Variants in KCNK2 observed in about 807,000 individuals in gnomAD.
KCNK2 encodes potassium two pore domain channel subfamily K member 2.
A neutral mutation model predicts 40.5 loss-of-function variants in KCNK2; 21 were observed. That is an observed-to-expected ratio of 0.52 (90% CI 0.37 to 0.75). KCNK2 has a LOEUF of 0.75. KCNK2 is among the 30% of genes least tolerant of loss of function. KCNK2 has a pLI of 0.00. For synonymous variants in KCNK2, 191 were observed against 202.2 expected (o/e 0.94, Z 0.47); for missense variants, 399 against 531.6 (o/e 0.75, Z 2.45).
chr1:215,184,737 C>A (rs1250317657), intron 5 of KCNK2, among the ~76,000 whole-genome samples: 1 of 152,046 alleles, frequency 6.6e-6, no homozygotes, highest in Non-Finnish European at 1.5e-5. Flanking sequence ...CCATAGGGTC[C>A]CTTTCATGAC....
chr1:215,081,481 ATT>A (rs34777165), upstream of KCNK2, among the ~76,000 whole-genome samples: 1 of 151,268 alleles, frequency 6.6e-6, no homozygotes, highest in African/African-American at 2.4e-5. Flanking sequence ...TATTAGGAAG[ATT>A]TTTTTTTAAT....
rs139066775 is a variant in KCNK2, at chr1:215,182,747, A to T, written c.823+10564A>T. ...TGTGCGGGCACACTACTGGGTCACC[A>T]CATAATTGTTGACTTTATGTTTGTC... is the stretch of plus-strand genomic sequence containing the variant. On this transcript the variant is annotated intron_variant, in intron 5 of 6. Coordinates refer to ENST00000444842, the MANE Select transcript of KCNK2 (RefSeq NM_001017425.3). Among the ~76,000 whole-genome samples the T allele has an allele frequency of 3.7e-4, 56 of 152,276 alleles. No individual in the cohort carries two copies. In the East Asian group the frequency reaches 9.9e-3, roughly 27 times the overall value.
At chr1:215,125,163 T>A (rs1396162934) in intron 3 of KCNK2, among the ~76,000 whole-genome samples, 1 of 152,208 alleles carries the variant, frequency 6.6e-6, no homozygotes, top group Non-Finnish European at 1.5e-5. Context: ...ATTTTAACTC[T>A]ACATTTTAAC....
At chr1:215,233,686 C>T (rs1553276847) in intron 6 of KCNK2, among the ~76,000 whole-genome samples, 2 of 152,066 alleles carry the variant, frequency 1.3e-5, no homozygotes, top group South Asian at 2.1e-4. Context: ...GTGAAGCAAA[C>T]GAGAGCCTGG....
intron 3 of KCNK2, among the ~76,000 whole-genome samples, chr1:215,142,041 T>C (rs1265728649): frequency 6.6e-6 from 1 of 152,114 alleles, no homozygotes; most frequent in East Asian, 1.9e-4. Context: ...GGAAATCTTT[T>C]ATATTCTGTG....
At chr1:215,025,897 T>A (rs1455386850) in intron 1 of KCNK2, among the ~76,000 whole-genome samples, 1 of 152,092 alleles carries the variant, frequency 6.6e-6, no homozygotes, top group Non-Finnish European at 1.5e-5. Context: ...GTCAAAAGGT[T>A]TATGTATTTT....
chr1:215,131,370 A>G (rs1202101939), intron 3 of KCNK2, among the ~76,000 whole-genome samples: 2 of 147,064 alleles, frequency 1.4e-5, no homozygotes, highest in Non-Finnish European at 3.0e-5. Flanking sequence ...TATATTACAT[A>G]TTAATTTTAT....
upstream of KCNK2, among the ~76,000 whole-genome samples, chr1:215,079,137 A>G (rs1439921563): frequency 6.6e-6 from 1 of 152,246 alleles, no homozygotes; most frequent in African/African-American, 2.4e-5. Flanking sequence ...TTGCTTATTC[A>G]TTAAATTAAA....
chr1:215,044,503 A>G (rs1177612663), intron 1 of KCNK2, among the ~76,000 whole-genome samples: 1 of 152,090 alleles, frequency 6.6e-6, no homozygotes, highest in Non-Finnish European at 1.5e-5. Context: ...ATTTTCTCCT[A>G]TCAAATGGGA....
chr1:215,191,514 A>G (rs929389928), intron 5 of KCNK2, among the ~76,000 whole-genome samples: 6 of 152,108 alleles, frequency 3.9e-5, no homozygotes, highest in African/African-American at 1.4e-4. Flanking sequence ...TTAATCTACT[A>G]GATTGGATTA....
chr1:215,185,233 A>G (rs180975291), intron 5 of KCNK2, among the ~76,000 whole-genome samples: 1 of 152,334 alleles, frequency 6.6e-6, no homozygotes, highest in East Asian at 1.9e-4. Context: ...ACAGATGCTG[A>G]GTAAGATAAA....
At chr1:215,111,191 T>C (rs1660668871) in intron 2 of KCNK2, among the ~76,000 whole-genome samples, 1 of 152,132 alleles carries the variant, frequency 6.6e-6, no homozygotes, top group African/African-American at 2.4e-5. Context: ...TCGTGTCTTC[T>C]TTTCTGATTT....
intron 2 of KCNK2, among the ~76,000 whole-genome samples, chr1:215,097,402 C>T (rs1217616407): frequency 6.6e-6 from 1 of 151,602 alleles, no homozygotes. Flanking sequence ...TCTCTTCCCT[C>T]CCCCATTCTT....
At position 215,120,676 on chromosome 1, in the gene KCNK2, T is replaced by C. The variant is rs188249921; in HGVS notation, c.358-3957T>C. 3.0e-3 allele frequency among the ~76,000 whole-genome samples: 453 copies of C among 152,284 alleles called. 2 individuals are homozygous for C. The highest frequency in any genetic ancestry group is 4.9e-3 in the Non-Finnish European group (332 of 68,006). On this transcript the variant is annotated intron_variant, in intron 2 of 6. Coordinates refer to ENST00000444842, the MANE Select transcript of KCNK2 (RefSeq NM_001017425.3). ...CCTCCAGAGTAACTAGATAACAGCA[T>C]GATGATCACAAGCAACTCTTTCAGA... is the stretch of plus-strand genomic sequence containing the variant.
In KCNK2 at chr1:215,169,194, T is replaced by A. The variant is rs758741827; in HGVS notation, c.476-5T>A. 16 of 1,585,642 alleles carry A rather than the reference T, an allele frequency of 1.0e-5. No homozygotes were observed. The highest frequency in any genetic ancestry group is 8.2e-5 in the South Asian group (7 of 85,680). ...TCATTTGTAAACAATGTAATTTTTTTAAAGGATTTGGAAACATCTCACCAC... is the reference window on the plus strand; with the variant it reads ...TCATTTGTAAACAATGTAATTTTTTAAAAGGATTTGGAAACATCTCACCAC... On this transcript the variant is annotated splice_region_variant and splice_polypyrimidine_tract_variant and intron_variant, in intron 3 of 6. Coordinates refer to ENST00000444842, the MANE Select transcript of KCNK2 (RefSeq NM_001017425.3).
intron 6 of KCNK2, among the ~76,000 whole-genome samples, chr1:215,234,138 G>C (rs1666781846): frequency 6.6e-6 from 1 of 152,168 alleles, no homozygotes; most frequent in Admixed American, 6.5e-5. Context: ...TTGAGAAACT[G>C]TGCCTTGGGT....
intron 1 of KCNK2, among the ~76,000 whole-genome samples, chr1:215,023,543 T>G (rs150847382): frequency 1.3e-3 from 198 of 152,322 alleles, no homozygotes; most frequent in African/African-American, 4.6e-3. Context: ...ACAACAATCA[T>G]AATCAATAGT....
rs756074478 is a variant in KCNK2, at chr1:215,195,136, C to T, written c.963+44C>T. The T allele has an allele frequency of 3.7e-6, 5 of 1,349,644 alleles. No individual in the cohort carries two copies. The South Asian group carries it at 7.0e-5, about 19-fold the overall frequency. 83.6% of individuals were successfully genotyped at this position (1,349,644 alleles called of 1,614,324 possible). A position where few individuals can be genotyped will look rare whatever the true frequency, so the allele number is the denominator to read the frequency against. On this transcript the variant is annotated intron_variant, in intron 6 of 6. Transcript: ENST00000444842. ...GCAAAAAACTTCTATTTAGTTAATT[C>T]AATAAAGGTTATTTTAAATTATTTT...
chr1:215,234,416 T>G lies in KCNK2; in HGVS notation c.964-412T>G, dbSNP rs1374548505. Among the ~76,000 whole-genome samples the G allele has an allele frequency of 3.3e-5, 5 of 152,334 alleles. No individual in the cohort carries two copies. In the East Asian group the frequency reaches 7.7e-4, roughly 23 times the overall value. On this transcript the variant is annotated intron_variant, in intron 6 of 6. Transcript: ENST00000444842. ...GCAGACTCTTTTATTCTGCCTTGCT[T>G]CTTCTACTATATCTTACTGCCCTTT...
Sources: gnomAD v4.1 joint callset for allele counts (sites outside exome capture counted in the v4.1 genomes callset) on GRCh38, gnomAD v4.1.1 for gene constraint, MANE v1.5 for transcripts, NCBI Gene and HGNC (gene_info 2026-07-23, HGNC 2026-07-21) for gene names.